Variants in XKR6 observed in about 807,000 individuals in gnomAD.
XKR6 encodes the protein XK-related protein 6.
In XKR6, 22 loss-of-function variants were observed where a neutral mutation model predicts 56.7. The observed-to-expected ratio is 0.39, with a 90% CI of 0.28 to 0.55. XKR6 has a LOEUF of 0.55. Ranked by LOEUF, XKR6 falls within the 20% of genes least tolerant of loss-of-function variation. XKR6 has a pLI of 0.66. For synonymous variants in XKR6, 524 were observed against 387.8 expected, an observed-to-expected ratio of 1.35 and a Z score of -4.13; for missense variants, 852 against 889.0, an observed-to-expected ratio of 0.96 and a Z score of 0.53.
At chr8:10,951,303 G>T (rs1386869970) in intron 1 of XKR6, among the ~76,000 whole-genome samples, 14 of 146,958 alleles carry the variant, frequency 9.5e-5, no homozygotes, top group Admixed American at 8.6e-4. Flanking sequence ...GTGTGTGGGG[G>T]GGGGGGGCCC....
At chr8:11,120,565 T>C (rs1799401321) in intron 1 of XKR6, among the ~76,000 whole-genome samples, 1 of 152,282 alleles carries the variant, frequency 6.6e-6, no homozygotes, top group South Asian at 2.1e-4. Context: ...GAACATTCCA[T>C]GCTCATGGGT....
intron 1 of XKR6, among the ~76,000 whole-genome samples, chr8:10,939,574 C>T (rs1182250332): frequency 1.3e-5 from 2 of 152,244 alleles, no homozygotes; most frequent in Non-Finnish European, 1.5e-5. Flanking sequence ...ACCCCTCAAG[C>T]GGCTTATTCA....
At chr8:11,145,522 G>C (rs1385209332) in intron 1 of XKR6, among the ~76,000 whole-genome samples, 2 of 152,176 alleles carry the variant, frequency 1.3e-5, no homozygotes. Context: ...GACTTAGCAA[G>C]ATTGCAGGAT....
chr8:10,957,881 A>T (rs1801943336), intron 1 of XKR6, among the ~76,000 whole-genome samples: 1 of 152,208 alleles, frequency 6.6e-6, no homozygotes, highest in Non-Finnish European at 1.5e-5. Context: ...TCGAATCTAA[A>T]AATGATCCCC....
chr8:11,180,885 C>G (rs1266268386), intron 1 of XKR6, among the ~76,000 whole-genome samples: 1 of 152,166 alleles, frequency 6.6e-6, no homozygotes, highest in East Asian at 1.9e-4. Flanking sequence ...ACAGCCTGAG[C>G]AACTGAGCAA....
At chr8:10,964,012 G>A (rs1297245187) in intron 1 of XKR6, among the ~76,000 whole-genome samples, 1 of 152,204 alleles carries the variant, frequency 6.6e-6, no homozygotes, top group African/African-American at 2.4e-5. Context: ...ACCGCAGAGG[G>A]TGGTGGCAGG....
At chr8:10,963,360 C>G (rs553935462) in intron 1 of XKR6, among the ~76,000 whole-genome samples, 1 of 152,192 alleles carries the variant, frequency 6.6e-6, no homozygotes, top group Non-Finnish European at 1.5e-5. Context: ...AATGTTCCAC[C>G]TCCCCTTATC....
chr8:11,174,619 G>C (rs1444616760), intron 1 of XKR6, among the ~76,000 whole-genome samples: 1 of 152,152 alleles, frequency 6.6e-6, no homozygotes, highest in African/African-American at 2.4e-5. Flanking sequence ...TTTCCTGTGA[G>C]GCAAGGAACA....
At chr8:11,037,503 G>A (rs146259347) in intron 1 of XKR6, among the ~76,000 whole-genome samples, 12 of 152,346 alleles carry the variant, frequency 7.9e-5, no homozygotes, top group African/African-American at 2.6e-4. Flanking sequence ...GGGATTACAG[G>A]CATGAGCCAC....
chr8:11,079,516 T>C (rs1797640219), intron 1 of XKR6, among the ~76,000 whole-genome samples: 1 of 152,190 alleles, frequency 6.6e-6, no homozygotes, highest in South Asian at 2.1e-4. Flanking sequence ...CATTTGGAAG[T>C]CTACACTGCA....
chr8:10,982,925 T>C (rs1027684594), intron 1 of XKR6, among the ~76,000 whole-genome samples: 4 of 152,216 alleles, frequency 2.6e-5, no homozygotes, highest in African/African-American at 9.6e-5. Flanking sequence ...CCATTTCCGC[T>C]CCTTCCTAGC....
chr8:11,144,427 A>C (rs1163588880), intron 1 of XKR6, among the ~76,000 whole-genome samples: 1 of 151,672 alleles, frequency 6.6e-6, no homozygotes, highest in Non-Finnish European at 1.5e-5. Context: ...CTGCTGGAGC[A>C]AAGTCGAGAA....
chr8:10,992,251 A>ACTCT (rs1006242841), intron 1 of XKR6, among the ~76,000 whole-genome samples: 1 of 150,288 alleles, frequency 6.7e-6, no homozygotes, highest in Non-Finnish European at 1.5e-5. Context: ...CCATAAACTA[A>ACTCT]CTCTCTCTCT....
intron 1 of XKR6, among the ~76,000 whole-genome samples, chr8:10,980,985 A>C (rs1442345090): frequency 1.3e-5 from 2 of 152,168 alleles, no homozygotes; most frequent in Non-Finnish European, 2.9e-5. Context: ...CAGAAAAAAA[A>C]AAGAGAAGAG....
chr8:11,087,572 C>T (rs1797932097), intron 1 of XKR6, among the ~76,000 whole-genome samples: 3 of 152,110 alleles, frequency 2.0e-5, no homozygotes. Flanking sequence ...TGGACATGGT[C>T]AGGTCTCAAA....
At chr8:11,067,371 G>A (rs1214338456) in intron 1 of XKR6, among the ~76,000 whole-genome samples, 2 of 152,170 alleles carry the variant, frequency 1.3e-5, no homozygotes, top group South Asian at 2.1e-4. Flanking sequence ...CCCCCCACCC[G>A]GGTGATCTCA....
At chr8:11,030,269 C>T (rs1337020165) in intron 1 of XKR6, among the ~76,000 whole-genome samples, 2 of 152,224 alleles carry the variant, frequency 1.3e-5, no homozygotes, top group Non-Finnish European at 2.9e-5. Flanking sequence ...TGGGTGACAA[C>T]AGGCCTTCCA....
intron 1 of XKR6, chr8:11,138,046 G>A: frequency 4.4e-6 from 1 of 225,868 alleles, no homozygotes. Flanking sequence ...CTCCATCGCT[G>A]TCTTCAACGT....
At chr8:10,995,784 AG>A (rs1478031366) in intron 1 of XKR6, among the ~76,000 whole-genome samples, 2 of 152,022 alleles carry the variant, frequency 1.3e-5, no homozygotes, top group Non-Finnish European at 2.9e-5. Flanking sequence ...ACCTGGCCAG[AG>A]GGTGAAGTAA....
Sources: allele counts gnomAD v4.1 joint callset (sites outside exome capture counted in the v4.1 genomes callset), GRCh38; gene constraint gnomAD v4.1.1; transcripts MANE v1.5; gene names NCBI Gene and HGNC (gene_info 2026-07-23, HGNC 2026-07-21).